Variants in ASIC1 observed in about 807,000 individuals in gnomAD.
The protein encoded by ASIC1 is acid-sensing ion channel 1.
A neutral mutation model predicts 63.4 loss-of-function variants in ASIC1; 21 were observed. The observed-to-expected ratio is 0.33, with a 90% CI of 0.23 to 0.48. The LOEUF (loss-of-function observed/expected upper bound fraction) is 0.48. Ranked by LOEUF, ASIC1 falls within the 20% of genes least tolerant of loss-of-function variation. The pLI is 0.99. For synonymous variants in ASIC1, 258 were observed against 278.2 expected, an observed-to-expected ratio of 0.93 and a Z score of 0.72; for missense variants, 478 against 695.5, an observed-to-expected ratio of 0.69 and a Z score of 3.52.
In ASIC1 at chr12:50,057,835, T is replaced by A. The variant is rs1950459825; in HGVS notation, c.-98T>A. 1.3e-5 allele frequency: 2 copies of A among 150,774 alleles called. No homozygotes were observed. The highest frequency in any genetic ancestry group is 6.6e-5 in the Admixed American group (1 of 15,152). The allele number at this position is 150,774 out of a possible 1,614,324, so 9.3% of individuals were successfully genotyped here. A position where few individuals can be genotyped will look rare whatever the true frequency, so the allele number is the denominator to read the frequency against. On this transcript the variant is annotated 5_prime_UTR_variant, in exon 1 of 12. Coordinates refer to ENST00000447966, the MANE Select transcript of ASIC1 (RefSeq NM_001095.4). This position sits in a 1 kb window ranked among gnomAD's most constrained non-coding sequence, Gnocchi z 4.7. The stretch of plus-strand genomic sequence containing the variant: ...GCTCCGGCCCCGGGCCATGAGCCCC[T>A]CCGCGACTCGGCGCTGAGCCCGCCA...
chr12:50,073,517 C>G, intron 3 of ASIC1: 1 of 1,442,900 alleles, frequency 6.9e-7, no homozygotes, highest in Non-Finnish European at 9.1e-7. Flanking sequence ...GGAGTCACAT[C>G]GCCTTCCCCT....
chr12:50,065,697 A>G (rs1006384975), intron 3 of ASIC1, among the ~76,000 whole-genome samples: 5 of 152,248 alleles, frequency 3.3e-5, no homozygotes, highest in Non-Finnish European at 5.9e-5. Context: ...GGGAGGGTCA[A>G]TTGTGATCTT....
rs1950678861 is a variant in ASIC1, at chr12:50,078,278, G to GTAAACTCCAAA, written c.838-143_838-142insTAAACTCCAAA. On this transcript the variant is annotated intron_variant, in intron 5 of 11. Coordinates refer to ENST00000447966, the MANE Select transcript of ASIC1 (RefSeq NM_001095.4). This position sits in a 1 kb window ranked among gnomAD's most constrained non-coding sequence, Gnocchi z 6.0. The stretch of plus-strand genomic sequence containing the variant: ...CATGAGTGATCGAATGAACAAGAAT[G>GTAAACTCCAAA]CTCTGTAAACTCTGAGACCTTTGGA... The GTAAACTCCAAA allele has an allele frequency of 6.6e-7, 1 of 1,507,050 alleles. No homozygotes were observed. The highest frequency in any genetic ancestry group is 9.0e-7 in the Non-Finnish European group (1 of 1,116,980). 93.4% of individuals were successfully genotyped at this position (1,507,050 alleles called of 1,614,324 possible). A position where few individuals can be genotyped will look rare whatever the true frequency, so the allele number is the denominator to read the frequency against.
intron 3 of ASIC1, among the ~76,000 whole-genome samples, chr12:50,061,559 G>A (rs557961327): frequency 1.4e-4 from 22 of 152,268 alleles, no homozygotes; most frequent in Admixed American, 1.2e-3. Flanking sequence ...AGCCAGAGCC[G>A]CCTCCCTCCA....
intron 3 of ASIC1, among the ~76,000 whole-genome samples, chr12:50,075,312 C>T (rs1290851709): frequency 1.3e-5 from 2 of 152,188 alleles, no homozygotes; most frequent in Non-Finnish European, 2.9e-5. Context: ...GTGTCTACCT[C>T]TGGGCCCGAG....
intron 4 of ASIC1, 34 bp from the exon 5 acceptor site, chr12:50,077,966 G>C (rs1950674378): frequency 6.3e-7 from 1 of 1,586,098 alleles, no homozygotes; most frequent in African/African-American, 1.3e-5. Context: ...GGAGTCAGGA[G>C]CCCTCCCAAC....
chr12:50,080,098 C>G, intron 8 of ASIC1, 43 bp downstream of exon 8: 1 of 1,566,508 alleles, frequency 6.4e-7, no homozygotes, highest in Non-Finnish European at 8.6e-7. Flanking sequence ...TGGGTTGGGA[C>G]TGTGGAATGG....
Position 50,078,112 on chromosome 12 carries a change from C to A in ASIC1, c.822C>A (p.Ala274=). 1 of 1,613,442 alleles carries A rather than the reference C, an allele frequency of 6.2e-7. No homozygotes were observed. The highest frequency in any genetic ancestry group is 8.5e-7 in the Non-Finnish European group (1 of 1,179,672). Residue 274 remains alanine (A), a synonymous_variant, in exon 5 of 12, where the codon GCC becomes GCA. Transcript: ENST00000447966. This position sits in a 1 kb window ranked among gnomAD's most constrained non-coding sequence, Gnocchi z 6.0. ...GVAPGFQTFV[A]CQEQRLIYLP... is the part of the protein sequence containing the mutation. ...CCCCAGGCTTCCAGACCTTTGTGGC[C>A]TGCCAGGAGCAGCGGGTGAGAGGGC...
intron 8 of ASIC1, 110 bp downstream of exon 8, chr12:50,080,165 CG>C: frequency 7.0e-7 from 1 of 1,426,562 alleles, no homozygotes; most frequent in Non-Finnish European, 9.4e-7. Context: ...TGAGATAACA[CG>C]GGGAAGGTCC....
intron 3 of ASIC1, 58 bp from the exon 4 acceptor site, chr12:50,077,155 C>A: frequency 5.0e-6 from 8 of 1,608,290 alleles, no homozygotes; most frequent in Admixed American, 1.7e-5. Flanking sequence ...TAGGAACAGC[C>A]CTTGGTGAGT....
At chr12:50,064,946 C>T (rs1005624727) in intron 3 of ASIC1, among the ~76,000 whole-genome samples, 1 of 152,032 alleles carries the variant, frequency 6.6e-6, no homozygotes. Context: ...GGGCTGAGAG[C>T]CATGGGGGTG....
In ASIC1 at chr12:50,074,160, C is replaced by T. The variant is rs1164437108; in HGVS notation, c.559-3053C>T. 4.6e-6 allele frequency: 7 copies of T among 1,535,224 alleles called. No homozygotes were observed. The highest frequency in any genetic ancestry group is 1.4e-5 in the African/African-American group (1 of 73,134). Reference sequence around the variant, plus strand: ...AGCCCTTTAACCTGCACCGCTTCTACAATCGCTCCTGCCACCGGCTGGAGG... The same window carrying T: ...AGCCCTTTAACCTGCACCGCTTCTATAATCGCTCCTGCCACCGGCTGGAGG... On this transcript the variant is annotated intron_variant, in intron 3 of 11. Transcript: ENST00000447966. This position sits in a 1 kb window ranked among gnomAD's most constrained non-coding sequence, Gnocchi z 4.2.
intron 3 of ASIC1, chr12:50,073,828 G>A (rs1393895650): frequency 2.0e-6 from 3 of 1,531,870 alleles, no homozygotes; most frequent in Non-Finnish European, 2.6e-6. Flanking sequence ...CATTTTTGTG[G>A]AGGGGGGTCC....
At position 50,059,542 on chromosome 12, in the gene ASIC1, C is replaced by T. The variant is rs1950481464; in HGVS notation, c.363-217C>T. On this transcript the variant is annotated intron_variant, in intron 2 of 11. Coordinates refer to ENST00000447966, the MANE Select transcript of ASIC1 (RefSeq NM_001095.4). The surrounding 1 kb of genome is among the most constrained non-coding windows in gnomAD (Gnocchi z 4.6). ...CCCACCTTATCCATGCTTCCTCTCA[C>T]CCATGTGCTGGGATGGGATGCCCTG... is the stretch of plus-strand genomic sequence containing the variant. Among the ~76,000 whole-genome samples the T allele has an allele frequency of 1.3e-5, 2 of 152,214 alleles. No individual in the cohort carries two copies. Among genetic ancestry groups the T allele is most frequent in the Admixed American group, 1.3e-4 (2 of 15,290 alleles).
At chr12:50,081,076 G>T in intron 9 of ASIC1, 26 bp from the exon 10 acceptor site, 1 of 1,557,626 alleles carries the variant, frequency 6.4e-7, no homozygotes, top group South Asian at 1.2e-5. Flanking sequence ...TGACCCCACT[G>T]ACCCCCCTGG....
chr12:50,070,896 G>A (rs746209499), intron 3 of ASIC1: 2 of 152,098 alleles, frequency 1.3e-5, no homozygotes, highest in African/African-American at 4.9e-5. Context: ...AGCTGAAGGT[G>A]GGGGAGTCTC....
intron 3 of ASIC1, among the ~76,000 whole-genome samples, chr12:50,069,107 C>G (rs992415190): frequency 1.3e-5 from 2 of 152,130 alleles, no homozygotes; most frequent in Non-Finnish European, 1.5e-5. Context: ...CTTCTCATCT[C>G]TCTCCTTCCA....
Position 50,078,628 on chromosome 12 carries a change from C to T in ASIC1, c.994+51C>T. ...TCCTGGGGTCCCTGGGCCTTTGCTG[C>T]CCTTCACTAGCTCCCCATCCATATC... On this transcript the variant is annotated intron_variant, in intron 6 of 11. Coordinates refer to ENST00000447966, the MANE Select transcript of ASIC1 (RefSeq NM_001095.4). The surrounding 1 kb of genome is among the most constrained non-coding windows in gnomAD (Gnocchi z 6.0). The T allele has an allele frequency of 6.2e-7, 1 of 1,606,192 alleles. No homozygotes were observed. The highest frequency in any genetic ancestry group is 8.5e-7 in the Non-Finnish European group (1 of 1,175,398).
At position 50,059,743 on chromosome 12, in the gene ASIC1, C is replaced by A; in HGVS notation, c.363-16C>A. 6.2e-7 allele frequency: 1 copy of A among 1,609,210 alleles called. No individual in the cohort carries two copies. Among genetic ancestry groups the A allele is most frequent in the South Asian group, 1.1e-5 (1 of 90,196 alleles). The stretch of plus-strand genomic sequence containing the variant: ...TGACTGTACTGACCCGTGTGTCACT[C>A]ACCCCCGGACCCCAGGTATGAGATA... On this transcript the variant is annotated splice_polypyrimidine_tract_variant and intron_variant, in intron 2 of 11. Coordinates refer to ENST00000447966, the MANE Select transcript of ASIC1 (RefSeq NM_001095.4). The surrounding 1 kb of genome is among the most constrained non-coding windows in gnomAD (Gnocchi z 4.6).
Sources: gnomAD v4.1 joint callset for allele counts (sites outside exome capture counted in the v4.1 genomes callset) on GRCh38, gnomAD v4.1.1 for gene constraint, Gnocchi (gnomAD v3.1) non-coding constraint, MANE v1.5 for transcripts, NCBI Gene and HGNC (gene_info 2026-07-23, HGNC 2026-07-21) for gene names.